RAPGEF4: variants seen among roughly 807,000 people sequenced by gnomAD.
The protein encoded by RAPGEF4 is RAP guanine-nucleotide-exchange factor (GEF) 4.
A neutral mutation model predicts 147.9 loss-of-function variants in RAPGEF4; 66 were observed. The observed-to-expected ratio is 0.45, with a 90% confidence interval of 0.37 to 0.55. The LOEUF (loss-of-function observed/expected upper bound fraction) is 0.55. Among genes scored for constraint, RAPGEF4 ranks in the 20% least tolerant of loss-of-function variants. The pLI is 0.00. For missense variants in RAPGEF4, 1,071 were observed against 1,257.3 expected (o/e 0.85, Z 2.24); for synonymous variants, 419 against 442.7 (o/e 0.95, Z 0.67).
chr2:173,034,026 T>C (rs1575571691), intron 27 of RAPGEF4, 62 bp downstream of exon 27: 2 of 1,488,484 alleles, frequency 1.3e-6, no homozygotes, highest in East Asian at 4.6e-5. Flanking sequence ...TCTGATTAGC[T>C]GAATTGAAGT....
intron 4 of RAPGEF4, among the ~76,000 whole-genome samples, chr2:172,858,035 A>G (rs1170930816): frequency 6.6e-6 from 1 of 152,088 alleles, no homozygotes; most frequent in African/African-American, 2.4e-5. Flanking sequence ...ATGAACATAT[A>G]TGAGTTATTT....
chr2:172,864,442 T>A (rs1034920782), intron 4 of RAPGEF4, among the ~76,000 whole-genome samples: 5 of 152,132 alleles, frequency 3.3e-5, no homozygotes, highest in Non-Finnish European at 5.9e-5. Flanking sequence ...GTCTCTTGAG[T>A]CTGGGATTCG....
chr2:172,934,175 T>C (rs1686288669), intron 6 of RAPGEF4, among the ~76,000 whole-genome samples: 1 of 123,012 alleles, frequency 8.1e-6, no homozygotes, highest in Non-Finnish European at 1.7e-5. Flanking sequence ...TTTGCGTCAG[T>C]GTCTTGCTCT....
chr2:172,757,345 G>A, intron 1 of RAPGEF4, among the ~76,000 whole-genome samples: 1 of 152,158 alleles, frequency 6.6e-6, no homozygotes, highest in East Asian at 1.9e-4. Flanking sequence ...TCAGTATATT[G>A]AACATAAATT....
At chr2:172,857,607 G>T (rs1276433063) in intron 4 of RAPGEF4, among the ~76,000 whole-genome samples, 3 of 152,062 alleles carry the variant, frequency 2.0e-5, no homozygotes, top group Non-Finnish European at 4.4e-5. Context: ...TGGTGAAATA[G>T]GCCAGGTGTC....
intron 29 of RAPGEF4, among the ~76,000 whole-genome samples, chr2:173,040,682 C>T (rs1016580823): frequency 6.6e-6 from 1 of 152,246 alleles, no homozygotes; most frequent in Admixed American, 6.5e-5. Flanking sequence ...TCTCCTACAT[C>T]TTCACCCTTG....
chr2:173,048,784 C>G (rs1455235117), intron 30 of RAPGEF4, 130 bp downstream of exon 30: 2 of 1,489,984 alleles, frequency 1.3e-6, no homozygotes, highest in Non-Finnish European at 1.8e-6. Flanking sequence ...ACCATGAATT[C>G]CATGAGATAG....
At chr2:172,985,589 C>A in intron 12 of RAPGEF4, 96 bp downstream of exon 12, 1 of 1,549,988 alleles carries the variant, frequency 6.5e-7, no homozygotes, top group Non-Finnish European at 8.7e-7. Context: ...ACTTCTTGGC[C>A]CCGGGTCTGG....
intron 12 of RAPGEF4, among the ~76,000 whole-genome samples, chr2:172,987,411 G>A (rs1237780307): frequency 6.6e-6 from 1 of 152,166 alleles, no homozygotes; most frequent in Non-Finnish European, 1.5e-5. Flanking sequence ...TACCCTGAAT[G>A]TAGTGGTGAT....
At chr2:173,003,374 C>T (rs938891694) in intron 17 of RAPGEF4, among the ~76,000 whole-genome samples, 9 of 152,104 alleles carry the variant, frequency 5.9e-5, no homozygotes, top group South Asian at 2.1e-4. Context: ...TGTCTGTAGA[C>T]GGGGGAATCC....
chr2:172,799,282 A>C (rs1686726392), intron 3 of RAPGEF4, among the ~76,000 whole-genome samples: 1 of 152,178 alleles, frequency 6.6e-6, no homozygotes, highest in South Asian at 2.1e-4. Flanking sequence ...GAGAAAACGA[A>C]GTCCCCGAGT....
chr2:172,967,410 C>T lies in RAPGEF4; in HGVS notation c.970C>T (p.Pro324Ser). Residue 324 changes from proline to serine, a missense_variant, in exon 10 of 31, where the codon CCC becomes TCC. By Grantham distance (74) the Pro-to-Ser change is moderately conservative. Transcript: ENST00000397081. ...CATGCTGCTGCTGTCACAGATGGGC[C>T]CCGACGCCCACATGAGGATGATCCT... is the stretch of plus-strand genomic sequence containing the variant. Reference protein sequence around the residue: ...DTMLLLSQMGPDAHMRMILRK... With the variant: ...DTMLLLSQMGSDAHMRMILRK... 8 of 1,611,724 alleles carry T rather than the reference C, an allele frequency of 5.0e-6. No individual in the cohort carries two copies. The highest frequency in any genetic ancestry group is 1.3e-5 in the African/African-American group (1 of 74,958).
intron 4 of RAPGEF4, among the ~76,000 whole-genome samples, chr2:172,850,030 C>T (rs898126078): frequency 2.0e-5 from 3 of 152,130 alleles, no homozygotes; most frequent in Admixed American, 6.5e-5. Context: ...TTGCCCTCTT[C>T]GTGCTCTCAG....
chr2:172,738,832 C>A (rs7582422), intron 1 of RAPGEF4, among the ~76,000 whole-genome samples: 1 of 151,844 alleles, frequency 6.6e-6, no homozygotes, highest in Non-Finnish European at 1.5e-5. Context: ...AAAGAGAAAC[C>A]CTGGGACTGG....
At chr2:172,828,070 C>G (rs1418884467) in intron 4 of RAPGEF4, among the ~76,000 whole-genome samples, 1 of 152,090 alleles carries the variant, frequency 6.6e-6, no homozygotes. Flanking sequence ...ATGCTAGGCA[C>G]TGGGGTTGCA....
At chr2:172,805,339 A>G (rs1228017579) in intron 3 of RAPGEF4, among the ~76,000 whole-genome samples, 1 of 152,170 alleles carries the variant, frequency 6.6e-6, no homozygotes, top group African/African-American at 2.4e-5. Flanking sequence ...TAAGAATTGT[A>G]GGAAATGCAT....
chr2:172,815,523 A>G (rs1219832615), intron 4 of RAPGEF4, among the ~76,000 whole-genome samples: 1 of 152,238 alleles, frequency 6.6e-6, no homozygotes, highest in Non-Finnish European at 1.5e-5. Context: ...AGGAAGGAAA[A>G]TTGAAAGTAG....
At chr2:173,001,631 A>G (rs1388177985) in intron 17 of RAPGEF4, among the ~76,000 whole-genome samples, 2 of 152,172 alleles carry the variant, frequency 1.3e-5, no homozygotes, top group African/African-American at 4.8e-5. Context: ...AGGCTGGGTA[A>G]TTTATAAGAA....
chr2:172,742,909 T>C (rs1335708080), intron 1 of RAPGEF4, among the ~76,000 whole-genome samples: 1 of 152,156 alleles, frequency 6.6e-6, no homozygotes, highest in Non-Finnish European at 1.5e-5. Context: ...AAGTGGTGCT[T>C]AGCAAAGCAA....
Sources: allele counts gnomAD v4.1 joint callset (sites outside exome capture counted in the v4.1 genomes callset), GRCh38; gene constraint gnomAD v4.1.1; transcripts MANE v1.5; gene names NCBI Gene and HGNC (gene_info 2026-07-23, HGNC 2026-07-21).